NHS: variants seen among roughly 807,000 people sequenced by gnomAD.
NHS encodes the protein actin remodeling regulator NHS.
Under a neutral mutation model 72.5 loss-of-function variants are expected in NHS, and 5 were observed. The observed-to-expected ratio is 0.07, with a 90% CI of 0.04 to 0.14. The LOEUF is 0.14. NHS is among the 10% of genes least tolerant of loss of function. The pLI is 1.00. For missense variants in NHS, 1,072 were observed against 1,355.7 expected, an observed-to-expected ratio of 0.79 and a Z score of 3.29; for synonymous variants, 464 against 547.7, an observed-to-expected ratio of 0.85 and a Z score of 2.13.
intron 1 of NHS, among the ~76,000 whole-genome samples, chrX:17,413,120 T>TGC (rs2064570445): frequency 8.9e-6 from 1 of 112,396 alleles, no homozygotes; most frequent in African/African-American, 3.2e-5. Context: ...CTTGTGTGTG[T>TGC]GTGCGTGCAC....
intron 1 of NHS, among the ~76,000 whole-genome samples, chrX:17,476,125 G>C (rs1025938377): frequency 4.5e-5 from 5 of 111,976 alleles, no homozygotes; most frequent in African/African-American, 1.6e-4. Flanking sequence ...AGCCTTGGTA[G>C]CTTCAGGATG....
intron 3 of NHS, among the ~76,000 whole-genome samples, chrX:17,698,484 G>C (rs766179327): frequency 9.0e-6 from 1 of 111,600 alleles, no homozygotes; most frequent in East Asian, 2.8e-4. Context: ...AAAACATCAG[G>C]CCTAGATGGT....
chrX:17,524,772 C>A (rs763990040), intron 1 of NHS, among the ~76,000 whole-genome samples: 2 of 112,350 alleles, frequency 1.8e-5, no homozygotes, highest in Non-Finnish European at 3.8e-5. Context: ...GTCTGTGTAG[C>A]TGTTCTTTTT....
At chrX:17,724,569 C>A in intron 6 of NHS, 139 bp downstream of exon 6, 1 of 830,719 alleles carries the variant, frequency 1.2e-6, no homozygotes, top group Non-Finnish European at 1.7e-6. Context: ...TTCAGCAAGC[C>A]AGGTGGTATT....
chrX:17,671,835 C>A (rs919669243), intron 1 of NHS, among the ~76,000 whole-genome samples: 2 of 111,821 alleles, frequency 1.8e-5, no homozygotes, highest in African/African-American at 6.5e-5. Flanking sequence ...CATTGGTCTT[C>A]CCCTTACCTA....
intron 3 of NHS, among the ~76,000 whole-genome samples, chrX:17,715,562 A>G (rs939416912): frequency 8.9e-6 from 1 of 112,695 alleles, no homozygotes; most frequent in African/African-American, 3.2e-5. Flanking sequence ...TTGCTAGATC[A>G]AATGATAGTT....
intron 1 of NHS, among the ~76,000 whole-genome samples, chrX:17,394,948 C>A (rs766187641): frequency 9.0e-6 from 1 of 111,387 alleles, no homozygotes; most frequent in Non-Finnish European, 1.9e-5. Flanking sequence ...TTATAATATT[C>A]TTTTGATAGA....
At chrX:17,568,181 G>A (rs1470470996) in intron 1 of NHS, among the ~76,000 whole-genome samples, 2 of 112,125 alleles carry the variant, frequency 1.8e-5, no homozygotes, top group Admixed American at 9.4e-5. Context: ...CCATGGACTT[G>A]TTGCTGGGCA....
intron 3 of NHS, among the ~76,000 whole-genome samples, chrX:17,703,431 T>C (rs1449540015): frequency 8.9e-6 from 1 of 112,488 alleles, no homozygotes; most frequent in Admixed American, 9.4e-5. Context: ...CACAGACAGA[T>C]GTTAGGATGA....
chrX:17,721,644 G>A lies in NHS; in HGVS notation c.1108+11G>A. ...CCATCAATGTTACTGGTATCGTTCT[G>A]GTTTTTTCTTAGGGGCAGTCGGGTC... is the stretch of plus-strand genomic sequence containing the variant. On this transcript the variant is annotated intron_variant, in intron 5 of 8. Coordinates refer to ENST00000676302, the MANE Select transcript of NHS (RefSeq NM_001291867.2). The A allele has an allele frequency of 8.3e-7, 1 of 1,197,957 alleles. No individual in the cohort carries two copies. The highest frequency in any genetic ancestry group is 1.7e-5 in the African/African-American group (1 of 57,445).
intron 1 of NHS, among the ~76,000 whole-genome samples, chrX:17,443,269 C>T (rs977110177): frequency 6.2e-5 from 7 of 112,316 alleles, no homozygotes; most frequent in African/African-American, 2.3e-4. Flanking sequence ...ATTTCCTAGC[C>T]TCCTGTGGTA....
At chrX:17,454,725 T>G (rs1324340054) in intron 1 of NHS, among the ~76,000 whole-genome samples, 1 of 112,005 alleles carries the variant, frequency 8.9e-6, no homozygotes, top group Admixed American at 9.5e-5. Context: ...TCAAAGGGTA[T>G]GAAAACACTT....
intron 1 of NHS, among the ~76,000 whole-genome samples, chrX:17,501,729 AAAAC>A (rs929913959): frequency 3.8e-4 from 43 of 112,721 alleles, no homozygotes; most frequent in Non-Finnish European, 6.2e-4. Flanking sequence ...CCCTGTCTCA[AAAAC>A]AAACAAACAA....
chrX:17,721,614 T>C lies in NHS; in HGVS notation c.1089T>C (p.Ile363=), dbSNP rs148565653. ...KQDAQVISSC[I]IPINVTGVGF... is the part of the protein sequence containing the mutation. The stretch of plus-strand genomic sequence containing the variant: ...ATGCCCAAGTGATTTCTTCTTGCAT[T>C]ATTCCCATCAATGTTACTGGTATCG... Residue 363 remains isoleucine (I), a synonymous_variant, in exon 5 of 9, where the codon ATT becomes ATC. Transcript: ENST00000676302. The C allele has an allele frequency of 9.4e-5, 114 of 1,208,582 alleles. No individual in the cohort carries two copies. In the African/African-American group the frequency reaches 1.6e-3, roughly 17 times the overall value.
rs766662277 is a variant in NHS, at chrX:17,521,366, C to CTTTTTTTTTTTTTTTTTTTTTTTTTTTTT, written c.565+145057_565+145058insTTTTTTTTTTTTTTTTTTTTTTTTTTTTT. Among the ~76,000 whole-genome samples, 12 of 97,348 alleles carry CTTTTTTTTTTTTTTTTTTTTTTTTTTTTT rather than the reference C, an allele frequency of 1.2e-4. 1 individual carries two copies. The highest frequency in any genetic ancestry group is 4.8e-4 in the African/African-American group (11 of 23,157). 84.5% of individuals were successfully genotyped at this position (97,348 alleles called of 115,157 possible). On this transcript the variant is annotated intron_variant, in intron 1 of 8. Coordinates refer to ENST00000676302, the MANE Select transcript of NHS (RefSeq NM_001291867.2). ...AGTTCTACCTTTTTCTCCCTTCCCT[C>CTTTTTTTTTTTTTTTTTTTTTTTTTTTTT]TTTTTTTTTTTTTGAGACAGGGTCT...
At chrX:17,555,730 C>T (rs1444960421) in intron 1 of NHS, among the ~76,000 whole-genome samples, 1 of 111,564 alleles carries the variant, frequency 9.0e-6, no homozygotes, top group Non-Finnish European at 1.9e-5. Flanking sequence ...GAGTGTGAAG[C>T]AGGAATCCTA....
At chrX:17,548,227 A>T (rs1423686234) in intron 1 of NHS, among the ~76,000 whole-genome samples, 1 of 111,454 alleles carries the variant, frequency 9.0e-6, no homozygotes, top group African/African-American at 3.3e-5. Context: ...TGTCAAGGAC[A>T]TGGAGCTTGA....
chrX:17,505,709 G>A (rs2065054499), intron 1 of NHS, among the ~76,000 whole-genome samples: 1 of 109,331 alleles, frequency 9.1e-6, no homozygotes, highest in Non-Finnish European at 1.9e-5. Flanking sequence ...AGAGAACAGA[G>A]AATCAAAATC....
chrX:17,518,655 A>G (rs1379102240), intron 1 of NHS, among the ~76,000 whole-genome samples: 10 of 112,227 alleles, frequency 8.9e-5, no homozygotes, highest in Non-Finnish European at 1.7e-4. Flanking sequence ...GACTTGAACA[A>G]AGATCTAGGA....
Sources: allele counts gnomAD v4.1 joint callset (sites outside exome capture counted in the v4.1 genomes callset), GRCh38; gene constraint gnomAD v4.1.1; transcripts MANE v1.5; gene names NCBI Gene and HGNC (gene_info 2026-07-23, HGNC 2026-07-21).